SLC35F1: variants seen among roughly 807,000 people sequenced by gnomAD.
SLC35F1 encodes the protein chromosome 6 open reading frame 169.
Under a neutral mutation model 48.7 loss-of-function variants are expected in SLC35F1, and 14 were observed. The observed-to-expected ratio is 0.29, with a 90% CI of 0.19 to 0.45. SLC35F1 has a LOEUF of 0.45. SLC35F1 is among the 20% of genes least tolerant of loss of function. The probability of loss-of-function intolerance (pLI) is 1.00; values close to 1 mark genes in which losing one functional copy is unlikely to be tolerated. For synonymous variants in SLC35F1, 190 were observed against 202.2 expected, an observed-to-expected ratio of 0.94 and a Z score of 0.51; for missense variants, 404 against 500.0, an observed-to-expected ratio of 0.81 and a Z score of 1.83.
intron 2 of SLC35F1, among the ~76,000 whole-genome samples, chr6:118,214,559 G>A (rs931790730): frequency 1.2e-4 from 19 of 152,232 alleles, no homozygotes; most frequent in Non-Finnish European, 2.6e-4. Context: ...ATAAAGTAAG[G>A]TATACCAGTA....
At chr6:118,146,486 C>T (rs1773974880) in intron 1 of SLC35F1, among the ~76,000 whole-genome samples, 1 of 152,178 alleles carries the variant, frequency 6.6e-6, no homozygotes, top group Non-Finnish European at 1.5e-5. Context: ...ATGCCAACTT[C>T]TCAAATTATG....
intron 1 of SLC35F1, among the ~76,000 whole-genome samples, chr6:118,079,034 A>G (rs1397325981): frequency 6.6e-6 from 1 of 152,246 alleles, no homozygotes; most frequent in Non-Finnish European, 1.5e-5. Context: ...TGGTAAATAT[A>G]TGTAACATAA....
At chr6:118,131,699 A>G (rs1436519189) in intron 1 of SLC35F1, among the ~76,000 whole-genome samples, 2 of 152,066 alleles carry the variant, frequency 1.3e-5, no homozygotes, top group African/African-American at 2.4e-5. Flanking sequence ...ATAATTGATG[A>G]AAGTTTGCAT....
At chr6:117,937,731 G>A (rs1776178257) in intron 1 of SLC35F1, among the ~76,000 whole-genome samples, 1 of 152,138 alleles carries the variant, frequency 6.6e-6, no homozygotes. Context: ...GAGATTATGA[G>A]TACACTGGGC....
intron 1 of SLC35F1, among the ~76,000 whole-genome samples, chr6:118,132,353 T>A (rs1284773812): frequency 6.6e-6 from 1 of 152,208 alleles, no homozygotes; most frequent in African/African-American, 2.4e-5. Flanking sequence ...TGTGTATTTG[T>A]GGCTGTGTGT....
At chr6:117,984,977 C>T (rs1187149624) in intron 1 of SLC35F1, among the ~76,000 whole-genome samples, 1 of 152,222 alleles carries the variant, frequency 6.6e-6, no homozygotes, top group Non-Finnish European at 1.5e-5. Context: ...CTGTCTTCTA[C>T]ACTACTTCTT....
intron 1 of SLC35F1, among the ~76,000 whole-genome samples, chr6:117,936,829 T>C (rs142820910): frequency 2.6e-5 from 4 of 152,310 alleles, no homozygotes; most frequent in Non-Finnish European, 5.9e-5. Flanking sequence ...TTGCATGGAA[T>C]CCTTTATTGA....
At chr6:118,286,519 C>T (rs1012116307) in intron 7 of SLC35F1, among the ~76,000 whole-genome samples, 4 of 152,112 alleles carry the variant, frequency 2.6e-5, no homozygotes, top group East Asian at 1.9e-4. Flanking sequence ...AAGTTACAAA[C>T]GAAGCTAGTT....
intron 1 of SLC35F1, among the ~76,000 whole-genome samples, chr6:118,025,515 G>A (rs1777450737): frequency 6.6e-6 from 1 of 152,108 alleles, no homozygotes; most frequent in Admixed American, 6.6e-5. Context: ...TTGGAAGGAA[G>A]TCACCATGTA....
intron 1 of SLC35F1, among the ~76,000 whole-genome samples, chr6:118,108,825 A>G (rs1773358731): frequency 6.6e-6 from 1 of 152,158 alleles, no homozygotes; most frequent in Admixed American, 6.6e-5. Context: ...CTTATGTTAC[A>G]GTGACATTTT....
chr6:118,020,889 G>A (rs769973650), intron 1 of SLC35F1, among the ~76,000 whole-genome samples: 6 of 152,164 alleles, frequency 3.9e-5, no homozygotes, highest in African/African-American at 1.2e-4. Flanking sequence ...ATTGACTGGT[G>A]TGGTGAAGGA....
chr6:117,924,023 C>G (rs1319504347), intron 1 of SLC35F1, among the ~76,000 whole-genome samples: 2 of 146,372 alleles, frequency 1.4e-5, no homozygotes, highest in Non-Finnish European at 3.0e-5. Flanking sequence ...ACGTATATAC[C>G]TATACACACA....
chr6:118,301,097 A>T (rs575837396), intron 7 of SLC35F1, among the ~76,000 whole-genome samples: 1 of 152,282 alleles, frequency 6.6e-6, no homozygotes, highest in Non-Finnish European at 1.5e-5. Context: ...AAGTTCCAGG[A>T]TGACAGAGAC....
chr6:118,129,509 G>A (rs1014875091), intron 1 of SLC35F1, among the ~76,000 whole-genome samples: 3 of 152,152 alleles, frequency 2.0e-5, no homozygotes, highest in Non-Finnish European at 2.9e-5. Context: ...AGATTGAAGG[G>A]GGACCCTGAT....
At chr6:117,925,007 A>G (rs1394992050) in intron 1 of SLC35F1, among the ~76,000 whole-genome samples, 1 of 152,176 alleles carries the variant, frequency 6.6e-6, no homozygotes, top group Non-Finnish European at 1.5e-5. Flanking sequence ...AATATAGAGT[A>G]TTTACATGTG....
At chr6:117,975,758 TTTG>T (rs1285250939) in intron 1 of SLC35F1, among the ~76,000 whole-genome samples, 2 of 152,246 alleles carry the variant, frequency 1.3e-5, no homozygotes, top group Non-Finnish European at 2.9e-5. Context: ...CCAATTTTAT[TTTG>T]TTCCTGCGCT....
chr6:118,069,749 A>G (rs6927289), intron 1 of SLC35F1, among the ~76,000 whole-genome samples: 26,614 of 152,224 alleles, frequency 0.17, 2,576 homozygotes, highest in Admixed American at 0.28. Context: ...CTCAGTGTTA[A>G]GAACGTAAAA....
chr6:118,178,693 A>G (rs1047522072), intron 2 of SLC35F1, among the ~76,000 whole-genome samples: 4 of 152,030 alleles, frequency 2.6e-5, no homozygotes, highest in African/African-American at 9.7e-5. Context: ...ATACCAATAA[A>G]GAAACCCAGA....
chr6:118,128,741 G>A (rs1417778510), intron 1 of SLC35F1, among the ~76,000 whole-genome samples: 2 of 151,256 alleles, frequency 1.3e-5, no homozygotes, highest in East Asian at 1.9e-4. Flanking sequence ...CAGCACAACA[G>A]CATGGCACAT....
Sources: gnomAD v4.1 joint callset for allele counts (sites outside exome capture counted in the v4.1 genomes callset) on GRCh38, gnomAD v4.1.1 for gene constraint, MANE v1.5 for transcripts, NCBI Gene and HGNC (gene_info 2026-07-23, HGNC 2026-07-21) for gene names.